The following PLEKHM3 variants were observed in gnomAD, a reference collection of about 807,000 sequenced individuals.
The protein encoded by PLEKHM3 is pleckstrin homology domain-containing family M member 3.
PLEKHM3 carries 45 observed loss-of-function variants against 81.8 expected under a neutral mutation model. That is an observed-to-expected ratio of 0.55 (90% CI 0.43 to 0.71). The LOEUF is 0.71. Among genes scored for constraint, PLEKHM3 ranks in the 30% least tolerant of loss-of-function variants. The pLI is 0.00. For missense variants in PLEKHM3, 788 were observed against 924.3 expected (o/e 0.85, Z 1.91); for synonymous variants, 352 against 356.4 (o/e 0.99, Z 0.14).
Position 207,856,566 on chromosome 2 carries a change from C to T in PLEKHM3, c.2108+4539G>A, listed in dbSNP as rs188685522. Among the ~76,000 whole-genome samples, 183 of 152,300 alleles carry T rather than the reference C, an allele frequency of 1.2e-3. 4 individuals are homozygous for T. Among genetic ancestry groups the T allele is most frequent in the Admixed American group, 0.011 (164 of 15,284 alleles). On this transcript the variant is annotated intron_variant, in intron 7 of 7. Coordinates refer to ENST00000427836, the MANE Select transcript of PLEKHM3 (RefSeq NM_001080475.3). ...GTCATATAGTTGGAATCGTATAGTA[C>T]GTAGCCTTCTCAGAATGGCTTTGCT... is the stretch of plus-strand genomic sequence containing the variant.
chr2:207,999,088 T>C (rs1692211224), intron 2 of PLEKHM3, among the ~76,000 whole-genome samples: 2 of 152,108 alleles, frequency 1.3e-5, no homozygotes, highest in South Asian at 4.2e-4. Context: ...GTTCAATCGA[T>C]TTTCATGCCT....
chr2:207,950,891 T>A (rs1406877023), intron 3 of PLEKHM3, among the ~76,000 whole-genome samples: 1 of 152,208 alleles, frequency 6.6e-6, no homozygotes, highest in Admixed American at 6.5e-5. Context: ...TCCTATTCAC[T>A]TTAAAAAGAA....
rs369436658 is a variant in PLEKHM3 at position 207,863,914 on chromosome 2, A to ATAT, written c.1951-2653_1951-2652insATA. The stretch of plus-strand genomic sequence containing the variant: ...GGCAATAAGTCAGAAAAGCAAAAAA[A>ATAT]ATATATATATATATTAGAAAAGCAA... On this transcript the variant is annotated intron_variant, in intron 6 of 7. Transcript: ENST00000427836. Among the ~76,000 whole-genome samples, 472 of 150,294 alleles carry ATAT rather than the reference A, an allele frequency of 3.1e-3. 3 individuals carry two copies. Among genetic ancestry groups the ATAT allele is most frequent in the East Asian group, 0.017 (88 of 5,136 alleles).
intron 2 of PLEKHM3, among the ~76,000 whole-genome samples, chr2:207,977,962 C>T (rs140934798): frequency 8.5e-4 from 130 of 152,248 alleles, no homozygotes; most frequent in Middle Eastern, 3.4e-3. Context: ...TGGCACATGC[C>T]TGTAGCCCTA....
chr2:207,906,817 T>C (rs1688625997), intron 6 of PLEKHM3, among the ~76,000 whole-genome samples: 1 of 152,068 alleles, frequency 6.6e-6, no homozygotes, highest in African/African-American at 2.4e-5. Flanking sequence ...ATAACTTTCC[T>C]AGCTCTGGGG....
At chr2:207,903,581 C>T (rs1688512497) in intron 6 of PLEKHM3, among the ~76,000 whole-genome samples, 1 of 152,178 alleles carries the variant, frequency 6.6e-6, no homozygotes, top group African/African-American at 2.4e-5. Flanking sequence ...AAAATCTGAC[C>T]TTTTCTTTCA....
chr2:207,984,642 A>G (rs1307248092), intron 2 of PLEKHM3, among the ~76,000 whole-genome samples: 5 of 152,192 alleles, frequency 3.3e-5, no homozygotes, highest in Admixed American at 2.0e-4. Context: ...CGGCCTCCCA[A>G]AGTGCTGGGG....
chr2:207,948,971 C>A (rs898162149), intron 3 of PLEKHM3, among the ~76,000 whole-genome samples: 2 of 138,844 alleles, frequency 1.4e-5, no homozygotes, highest in African/African-American at 5.3e-5. Context: ...GCCACCATGC[C>A]CGGTCCAGAT....
chr2:207,994,095 G>T (rs927817779), intron 2 of PLEKHM3, among the ~76,000 whole-genome samples: 3 of 152,118 alleles, frequency 2.0e-5, no homozygotes, highest in African/African-American at 4.8e-5. Flanking sequence ...TAAACCAAAC[G>T]CAATAGACAA....
intron 6 of PLEKHM3, among the ~76,000 whole-genome samples, chr2:207,866,064 T>C (rs2092499020): frequency 6.6e-6 from 1 of 151,860 alleles, no homozygotes; most frequent in Admixed American, 6.6e-5. Context: ...TATTTCTAGA[T>C]GTCAGTCTTT....
intron 7 of PLEKHM3, among the ~76,000 whole-genome samples, chr2:207,853,263 C>CA (rs2092421958): frequency 6.6e-6 from 1 of 151,826 alleles, no homozygotes; most frequent in African/African-American, 2.4e-5. Context: ...ACTAAAAATA[C>CA]AAAATTAGCC....
At chr2:207,860,151 C>CTGTGTGTA (rs2092459242) in intron 7 of PLEKHM3, among the ~76,000 whole-genome samples, 5 of 110,704 alleles carry the variant, frequency 4.5e-5, no homozygotes, top group Non-Finnish European at 7.2e-5. Flanking sequence ...AACTCTGCCT[C>CTGTGTGTA]TGTGTGTGTG....
Position 208,001,824 on chromosome 2 carries a change from T to A in PLEKHM3, c.-185A>T. On this transcript the variant is annotated 5_prime_UTR_variant, in exon 2 of 8. It removes an upstream start codon present in the reference 5' UTR. Transcript: ENST00000427836. ...GATGTTTTCCTGGTAATTAAAAGCA[T>A]TTGCTAGTGGCTAATGGGCATTAAC... 3.3e-6 allele frequency: 3 copies of A among 917,068 alleles called. No individual in the cohort carries two copies. The highest frequency in any genetic ancestry group is 3.2e-6 in the Non-Finnish European group (2 of 626,494). 56.8% of individuals were successfully genotyped at this position (917,068 alleles called of 1,614,324 possible). A position where few individuals can be genotyped will look rare whatever the true frequency, so the allele number is the denominator to read the frequency against.
intron 4 of PLEKHM3, among the ~76,000 whole-genome samples, chr2:207,933,286 G>A (rs889723843): frequency 1.1e-4 from 16 of 152,168 alleles, no homozygotes; most frequent in Admixed American, 1.0e-3. Context: ...GCATTCAGTG[G>A]AGAATAAAAC....
chr2:207,873,242 T>G (rs2092544105), intron 6 of PLEKHM3, among the ~76,000 whole-genome samples: 1 of 152,192 alleles, frequency 6.6e-6, no homozygotes, highest in South Asian at 2.1e-4. Flanking sequence ...AAAGTTTCAT[T>G]GCTCAATGAA....
At chr2:208,015,870 CA>C (rs1327235667) in intron 1 of PLEKHM3, among the ~76,000 whole-genome samples, 5 of 152,126 alleles carry the variant, frequency 3.3e-5, no homozygotes, top group Non-Finnish European at 7.3e-5. Flanking sequence ...ATCGATAATT[CA>C]AACATATTTT....
At chr2:207,909,744 G>C (rs1380270563) in intron 5 of PLEKHM3, among the ~76,000 whole-genome samples, 2 of 152,136 alleles carry the variant, frequency 1.3e-5, no homozygotes, top group African/African-American at 4.8e-5. Flanking sequence ...CAGTATTAAA[G>C]AAAACAAAAC....
At chr2:207,893,558 T>C (rs1237805069) in intron 6 of PLEKHM3, among the ~76,000 whole-genome samples, 1 of 152,172 alleles carries the variant, frequency 6.6e-6, no homozygotes, top group Non-Finnish European at 1.5e-5. Context: ...TGCGGGATCC[T>C]GGGTAGCAAA....
chr2:208,001,580 A>G lies in PLEKHM3; in HGVS notation c.60T>C (p.Phe20=), dbSNP rs200755623. The change falls in exon 2 of 8, where the codon TTT becomes TTC. Residue 20 remains phenylalanine (F), a synonymous_variant. Transcript: ENST00000427836. The part of the protein sequence containing the change: ...SPALEVTEEF[F]STLDSNLEKA... Reference sequence around the variant, plus strand: ...TTTCTAGATTACTATCCAAAGTACTAAAGAATTCCTCCGTAACTTCTAAGG... The same window carrying G: ...TTTCTAGATTACTATCCAAAGTACTGAAGAATTCCTCCGTAACTTCTAAGG... 3.8e-5 allele frequency: 62 copies of G among 1,614,052 alleles called. No homozygotes were observed. The highest frequency in any genetic ancestry group is 5.1e-6 in the Non-Finnish European group (6 of 1,180,036).
Sources: gnomAD v4.1 joint callset for allele counts (sites outside exome capture counted in the v4.1 genomes callset) on GRCh38, gnomAD v4.1.1 for gene constraint, MANE v1.5 for transcripts, NCBI Gene and HGNC (gene_info 2026-07-23, HGNC 2026-07-21) for gene names.